Variants in LHFPL3 observed in about 807,000 individuals in gnomAD.
LHFPL3 encodes the protein LHFPL tetraspan subfamily member 3 protein.
A neutral mutation model predicts 19.3 loss-of-function variants in LHFPL3; 5 were observed. The observed-to-expected ratio is 0.26, with a 90% confidence interval of 0.14 to 0.54. LHFPL3 has a LOEUF of 0.54. Ranked by LOEUF, LHFPL3 falls within the 20% of genes least tolerant of loss-of-function variation. LHFPL3 has a pLI of 0.94. For missense variants in LHFPL3, 249 were observed against 307.4 expected, an observed-to-expected ratio of 0.81 and a Z score of 1.42; for synonymous variants, 133 against 126.2, an observed-to-expected ratio of 1.05 and a Z score of -0.36.
At position 104,399,432 on chromosome 7, in the gene LHFPL3, G is replaced by GT. The variant is rs34557723; in HGVS notation, c.445+70217dup. Among the ~76,000 whole-genome samples, 27,897 of 148,464 alleles carry GT rather than the reference G, an allele frequency of 0.19. 3,133 individuals carry two copies. Among genetic ancestry groups the GT allele is most frequent in the Non-Finnish European group, 0.26 (17,314 of 67,500 alleles). ...ACCTGGAAATGTACTATGTTCTTCTGTTTTTTTTTGTTTTTTAGGTTTTTT... is the reference window on the plus strand; with the variant it reads ...ACCTGGAAATGTACTATGTTCTTCTGTTTTTTTTTTGTTTTTTAGGTTTTTT... On this transcript the variant is annotated intron_variant, in intron 1 of 2. Coordinates refer to ENST00000424859, the MANE Select transcript of LHFPL3 (RefSeq NM_199000.3). The surrounding 1 kb of genome is among the most constrained non-coding windows in gnomAD (Gnocchi z 4.4).
intron 1 of LHFPL3, among the ~76,000 whole-genome samples, chr7:104,489,704 T>C (rs1375070479): frequency 6.6e-6 from 1 of 151,968 alleles, no homozygotes; most frequent in Non-Finnish European, 1.5e-5. Flanking sequence ...TACTGAAAAG[T>C]GTGAGGACAG....
At chr7:104,669,789 G>A (rs1484251430) in intron 1 of LHFPL3, among the ~76,000 whole-genome samples, 1 of 152,158 alleles carries the variant, frequency 6.6e-6, no homozygotes, top group Non-Finnish European at 1.5e-5. Flanking sequence ...TACAGCCAGA[G>A]AGAAAGGGAC....
At chr7:104,613,523 G>T (rs1036205284) in intron 1 of LHFPL3, among the ~76,000 whole-genome samples, 5 of 152,102 alleles carry the variant, frequency 3.3e-5, no homozygotes, top group Non-Finnish European at 5.9e-5. Flanking sequence ...GCTAAAACTG[G>T]CTAATGAATG....
intron 1 of LHFPL3, among the ~76,000 whole-genome samples, chr7:104,509,787 G>A (rs543417110): frequency 1.3e-5 from 2 of 151,982 alleles, no homozygotes; most frequent in South Asian, 4.1e-4. Flanking sequence ...CAGATACAAA[G>A]AAAAAGTAAA....
At chr7:104,499,982 C>CT (rs1392535603) in intron 1 of LHFPL3, among the ~76,000 whole-genome samples, 1 of 152,130 alleles carries the variant, frequency 6.6e-6, no homozygotes, top group Non-Finnish European at 1.5e-5. Flanking sequence ...ATGTATTATT[C>CT]TTTAACGTAA....
At chr7:104,770,556 T>C (rs1281136119) in intron 2 of LHFPL3, among the ~76,000 whole-genome samples, 1 of 152,230 alleles carries the variant, frequency 6.6e-6, no homozygotes, top group Non-Finnish European at 1.5e-5. Flanking sequence ...CTTCGTACCA[T>C]TCTCAGAAGA....
intron 1 of LHFPL3, among the ~76,000 whole-genome samples, chr7:104,562,008 G>A (rs11978851): frequency 0.038 from 5,758 of 151,814 alleles, 324 homozygotes; most frequent in African/African-American, 0.13. Flanking sequence ...TTGACTATTG[G>A]CCCCCACTCT....
chr7:104,869,166 G>A (rs1237304044), intron 2 of LHFPL3, among the ~76,000 whole-genome samples: 1 of 152,148 alleles, frequency 6.6e-6, no homozygotes, highest in Non-Finnish European at 1.5e-5. Flanking sequence ...TACCATTCAG[G>A]ACACAGGCAT....
intron 1 of LHFPL3, among the ~76,000 whole-genome samples, chr7:104,375,779 G>A (rs1469655948): frequency 2.6e-5 from 4 of 152,210 alleles, no homozygotes; most frequent in Non-Finnish European, 4.4e-5. Context: ...TTCTGAAGGT[G>A]AATCTGCCTG....
chr7:104,356,400 G>A (rs74319687), intron 1 of LHFPL3, among the ~76,000 whole-genome samples: 2 of 152,082 alleles, frequency 1.3e-5, no homozygotes, highest in African/African-American at 4.8e-5. Context: ...ATAATCAAGG[G>A]CATGGAAAGA....
At position 104,666,512 on chromosome 7, in the gene LHFPL3, C is replaced by CTTT. The variant is rs71155514; in HGVS notation, c.446-70138_446-70136dup. On this transcript the variant is annotated intron_variant, in intron 1 of 2. Transcript: ENST00000424859. ...TTGCTGAAAATGACAGGATTTCATT[C>CTTT]TTTTTTTTTTTTTTTTTTTTTTTTT... is the stretch of plus-strand genomic sequence containing the variant. Among the ~76,000 whole-genome samples, 22 of 42,238 alleles carry CTTT rather than the reference C, an allele frequency of 5.2e-4. 5 individuals are homozygous for CTTT. The highest frequency in any genetic ancestry group is 1.7e-3 in the Admixed American group (4 of 2,354). The allele number at this position is 42,238 out of a possible 152,430, so 27.7% of individuals were successfully genotyped here.
At chr7:104,445,473 TCAATC>T (rs986182914) in intron 1 of LHFPL3, among the ~76,000 whole-genome samples, 1 of 152,136 alleles carries the variant, frequency 6.6e-6, no homozygotes, top group Non-Finnish European at 1.5e-5. Context: ...AATGCAGTAA[TCAATC>T]CAGTTAACAC....
At position 104,348,601 on chromosome 7, in the gene LHFPL3, A is replaced by G. The variant is rs1023963560; in HGVS notation, c.445+19377A>G. On this transcript the variant is annotated intron_variant, in intron 1 of 2. Transcript: ENST00000424859. ...TTTGTAATATTTGACCTTAACACAA[A>G]GAAGAAAAACATTATAGAGCCAAGT... 1.2e-4 allele frequency among the ~76,000 whole-genome samples: 19 copies of G among 152,346 alleles called. No homozygotes were observed. In the East Asian group the frequency reaches 3.5e-3, roughly 28 times the overall value.
intron 1 of LHFPL3, among the ~76,000 whole-genome samples, chr7:104,542,547 G>A (rs1051445713): frequency 6.6e-6 from 1 of 152,016 alleles, no homozygotes; most frequent in Non-Finnish European, 1.5e-5. Context: ...CAATTCTATT[G>A]CTCTACCTTC....
chr7:104,905,593 CTT>C (rs1340635285), intron 2 of LHFPL3, among the ~76,000 whole-genome samples: 2 of 151,908 alleles, frequency 1.3e-5, no homozygotes, highest in Non-Finnish European at 2.9e-5. Context: ...ATAAAAGAAA[CTT>C]ATGCTGATAT....
At chr7:104,710,594 C>A (rs895418077) in intron 1 of LHFPL3, among the ~76,000 whole-genome samples, 2 of 152,190 alleles carry the variant, frequency 1.3e-5, no homozygotes, top group Admixed American at 6.5e-5. Context: ...AATCCTGACA[C>A]CTCAGTTACC....
Position 104,351,055 on chromosome 7 carries a change from AG to A in LHFPL3, c.445+21833del, listed in dbSNP as rs1482182218. ...ACTCCCTCTAAAAAAAAAAAAAAAA[AG>A]GAAAGAAAAGGTCTCTTCGACAAGA... On this transcript the variant is annotated intron_variant, in intron 1 of 2. Coordinates refer to ENST00000424859, the MANE Select transcript of LHFPL3 (RefSeq NM_199000.3). 2.1e-3 allele frequency among the ~76,000 whole-genome samples: 319 copies of A among 148,894 alleles called. 4 individuals carry two copies. Among genetic ancestry groups the A allele is most frequent in the African/African-American group, 7.4e-3 (301 of 40,894 alleles).
In LHFPL3 at chr7:104,446,034, T is replaced by A. The variant is rs193036073; in HGVS notation, c.445+116810T>A. On this transcript the variant is annotated intron_variant, in intron 1 of 2. Coordinates refer to ENST00000424859, the MANE Select transcript of LHFPL3 (RefSeq NM_199000.3). ...GGTTTATTAGTTGATGCCTTCTCAG[T>A]GGGACACAGGATAATTGTATAAAGC... Among the ~76,000 whole-genome samples the A allele has an allele frequency of 1.1e-4, 17 of 152,336 alleles. No homozygotes were observed. The East Asian group carries it at 3.1e-3, about 28-fold the overall frequency.
intron 2 of LHFPL3, among the ~76,000 whole-genome samples, chr7:104,876,278 A>G (rs1257645343): frequency 1.3e-5 from 2 of 152,206 alleles, no homozygotes; most frequent in Non-Finnish European, 2.9e-5. Context: ...AAATTGACAA[A>G]TGGAATCTAA....
Sources: allele counts gnomAD v4.1 joint callset (sites outside exome capture counted in the v4.1 genomes callset), GRCh38; gene constraint gnomAD v4.1.1; non-coding constraint Gnocchi (gnomAD v3.1); transcripts MANE v1.5; gene names NCBI Gene and HGNC (gene_info 2026-07-23, HGNC 2026-07-21).